EVI5: variants seen among roughly 807,000 people sequenced by gnomAD.
EVI5 encodes ecotropic viral integration site 5, also known as ecotropic viral integration site 5 protein homolog.
A neutral mutation model predicts 112.0 loss-of-function variants in EVI5; 73 were observed. The ratio of observed to expected loss-of-function variants is 0.65; its 90% CI spans 0.54 to 0.79. The LOEUF (loss-of-function observed/expected upper bound fraction) is 0.79, where lower values mean the gene tolerates loss of function less well. Ranked by LOEUF, EVI5 falls within the 30% of genes least tolerant of loss-of-function variation. The pLI is 0.00. For synonymous variants in EVI5, 305 were observed against 319.9 expected, an observed-to-expected ratio of 0.95 and a Z score of 0.50; for missense variants, 900 against 968.8, an observed-to-expected ratio of 0.93 and a Z score of 0.94.
chr1:92,718,156 T>C (rs1035603484), intron 2 of EVI5, among the ~76,000 whole-genome samples: 1 of 152,130 alleles, frequency 6.6e-6, no homozygotes, highest in Non-Finnish European at 1.5e-5. Flanking sequence ...TTAACAAGGA[T>C]ATCCACGACT....
At chr1:92,678,010 A>C (rs1157092677) in intron 9 of EVI5, among the ~76,000 whole-genome samples, 1 of 152,132 alleles carries the variant, frequency 6.6e-6, no homozygotes, top group Non-Finnish European at 1.5e-5. Context: ...CTGGGTACTC[A>C]TGGACATAAA....
At chr1:92,527,261 A>T (rs1662037363) in intron 19 of EVI5, among the ~76,000 whole-genome samples, 1 of 151,992 alleles carries the variant, frequency 6.6e-6, no homozygotes, top group Non-Finnish European at 1.5e-5. Flanking sequence ...CTAAAAACAC[A>T]AAAATCAGCC....
chr1:92,790,660 T>C (rs917298799), intron 1 of EVI5, among the ~76,000 whole-genome samples: 3 of 151,558 alleles, frequency 2.0e-5, no homozygotes, highest in African/African-American at 7.3e-5. Context: ...GTTATAAGAA[T>C]AGCTTTAACT....
intron 9 of EVI5, among the ~76,000 whole-genome samples, chr1:92,685,483 AT>A (rs1203739192): frequency 3.3e-5 from 5 of 152,248 alleles, no homozygotes; most frequent in African/African-American, 1.2e-4. Context: ...TAACATCACA[AT>A]TAAAAGAACT....
chr1:92,546,357 G>A (rs1426091986), intron 19 of EVI5, among the ~76,000 whole-genome samples: 2 of 151,986 alleles, frequency 1.3e-5, no homozygotes, highest in South Asian at 2.1e-4. Flanking sequence ...GTAGTATGAC[G>A]GAGAACAAAG....
At chr1:92,743,347 G>A (rs551175180) in intron 1 of EVI5, among the ~76,000 whole-genome samples, 130 of 151,330 alleles carry the variant, frequency 8.6e-4, no homozygotes, top group Non-Finnish European at 1.7e-3. Context: ...GCAAGACTCC[G>A]TCTCAAAAAA....
chr1:92,674,709 G>GAA (rs148229872), intron 10 of EVI5, among the ~76,000 whole-genome samples: 1 of 149,560 alleles, frequency 6.7e-6, no homozygotes, highest in Non-Finnish European at 1.5e-5. Flanking sequence ...GTATTCAGTT[G>GAA]AAAAAAAAAT....
In EVI5 at chr1:92,511,801, G is replaced by A. The variant is rs201760420; in HGVS notation, c.*1855C>T. ...GTTTTCAATTTCATTTCTCAGGCAA[G>A]CAAATAGCTACAAAAACCTTGCTGG... is the stretch of plus-strand genomic sequence containing the variant. On this transcript the variant is annotated 3_prime_UTR_variant, in exon 20 of 20. Coordinates refer to ENST00000684568, the MANE Select transcript of EVI5 (RefSeq NM_001350197.2). The A allele has an allele frequency of 1.3e-5, 2 of 152,180 alleles. No homozygotes were observed. Among genetic ancestry groups the A allele is most frequent in the Non-Finnish European group, 2.9e-5 (2 of 68,026 alleles). 9.4% of individuals were successfully genotyped at this position (152,180 alleles called of 1,614,324 possible).
At chr1:92,754,986 G>A (rs1680707473) in intron 1 of EVI5, among the ~76,000 whole-genome samples, 1 of 148,084 alleles carries the variant, frequency 6.8e-6, no homozygotes, top group African/African-American at 2.5e-5. Context: ...TAAGTATAAT[G>A]TTATATCTTA....
At chr1:92,573,686 T>C (rs1001784334) in intron 18 of EVI5, among the ~76,000 whole-genome samples, 2 of 152,112 alleles carry the variant, frequency 1.3e-5, no homozygotes, top group Non-Finnish European at 2.9e-5. Context: ...ATTATTTCCA[T>C]GTTAGTTTTC....
chr1:92,682,705 C>T (rs1250557275), intron 9 of EVI5, among the ~76,000 whole-genome samples: 1 of 152,040 alleles, frequency 6.6e-6, no homozygotes, highest in Admixed American at 6.6e-5. Flanking sequence ...GAGCCAAGAT[C>T]GCACCATTGT....
intron 9 of EVI5, among the ~76,000 whole-genome samples, chr1:92,689,719 T>C (rs748485735): frequency 1.3e-5 from 2 of 152,206 alleles, no homozygotes; most frequent in Admixed American, 1.3e-4. Context: ...AGTGTCACTT[T>C]GGCAAAATTT....
chr1:92,514,874 A>G (rs926845578), intron 19 of EVI5, among the ~76,000 whole-genome samples: 3 of 152,240 alleles, frequency 2.0e-5, no homozygotes, highest in Non-Finnish European at 2.9e-5. Context: ...TGATTTATAA[A>G]TCATTAAAAC....
intron 2 of EVI5, among the ~76,000 whole-genome samples, chr1:92,720,742 T>A (rs1674601157): frequency 6.6e-6 from 1 of 152,030 alleles, no homozygotes; most frequent in African/African-American, 2.4e-5. Flanking sequence ...ACAGGCAACC[T>A]ACAGAATGGG....
At chr1:92,582,408 AC>A (rs1286051602) in intron 18 of EVI5, among the ~76,000 whole-genome samples, 6 of 152,222 alleles carry the variant, frequency 3.9e-5, no homozygotes, top group Non-Finnish European at 5.9e-5. Flanking sequence ...TGAGGGGCCT[AC>A]TTTACAAAGG....
intron 11 of EVI5, among the ~76,000 whole-genome samples, chr1:92,665,538 A>C (rs1454119117): frequency 6.6e-6 from 1 of 152,252 alleles, no homozygotes; most frequent in Admixed American, 6.5e-5. Flanking sequence ...GACTAAAAGC[A>C]ATCCTAGGCC....
intron 1 of EVI5, among the ~76,000 whole-genome samples, chr1:92,750,727 G>T (rs1339371982): frequency 6.6e-6 from 1 of 151,924 alleles, no homozygotes; most frequent in African/African-American, 2.4e-5. Context: ...AAAAAAAAAA[G>T]TAATATTTTA....
At chr1:92,589,646 G>A (rs6702031) in intron 18 of EVI5, among the ~76,000 whole-genome samples, 140,211 of 152,204 alleles carry the variant, frequency 0.92, 64,672 homozygotes, top group East Asian at 0.97. Context: ...GCCCACTGCA[G>A]CTCAAGGAGG....
At chr1:92,605,870 A>G (rs1401864341) in intron 17 of EVI5, among the ~76,000 whole-genome samples, 1 of 152,230 alleles carries the variant, frequency 6.6e-6, no homozygotes, top group Non-Finnish European at 1.5e-5. Flanking sequence ...CTATAATATT[A>G]TAATACTAAA....
Sources: allele counts gnomAD v4.1 joint callset (sites outside exome capture counted in the v4.1 genomes callset), GRCh38; gene constraint gnomAD v4.1.1; transcripts MANE v1.5; gene names NCBI Gene and HGNC (gene_info 2026-07-23, HGNC 2026-07-21).